PRKN: variants seen among roughly 807,000 people sequenced by gnomAD.
PRKN encodes the protein parkin RBR E3 ubiquitin protein ligase.
PRKN carries 56 observed loss-of-function variants against 59.5 expected under a neutral mutation model. The observed-to-expected ratio is 0.94, with a 90% CI of 0.76 to 1.18. The LOEUF is 1.18. PRKN is among the 50% of genes most tolerant of loss of function. The pLI, the probability that PRKN is intolerant of heterozygous loss-of-function variation, is 0.00. For synonymous variants in PRKN, 250 were observed against 222.1 expected, an observed-to-expected ratio of 1.13 and a Z score of -1.12; for missense variants, 657 against 596.4, an observed-to-expected ratio of 1.10 and a Z score of -1.06.
intron 6 of PRKN, among the ~76,000 whole-genome samples, chr6:161,912,328 G>A (rs1379988572): frequency 3.9e-5 from 6 of 152,016 alleles, no homozygotes; most frequent in Middle Eastern, 3.2e-3. Flanking sequence ...CTATGGCAAC[G>A]TAACAAAAGC....
intron 6 of PRKN, among the ~76,000 whole-genome samples, chr6:161,858,222 T>C (rs974792345): frequency 6.6e-6 from 1 of 152,224 alleles, no homozygotes; most frequent in African/African-American, 2.4e-5. Context: ...TAAGAATCCA[T>C]AAGGATAACC....
intron 4 of PRKN, among the ~76,000 whole-genome samples, chr6:162,070,924 G>A (rs1226722577): frequency 2.0e-5 from 3 of 152,042 alleles, no homozygotes; most frequent in Non-Finnish European, 2.9e-5. Context: ...GGCACAGTAG[G>A]TGCTTTCTAA....
intron 6 of PRKN, among the ~76,000 whole-genome samples, chr6:161,885,612 C>T (rs1455553790): frequency 1.3e-5 from 2 of 150,092 alleles, no homozygotes; most frequent in African/African-American, 4.9e-5. Flanking sequence ...TTGCAGTGGG[C>T]CAAGATTGCA....
At chr6:161,788,405 C>T (rs996299572) in intron 6 of PRKN, among the ~76,000 whole-genome samples, 2 of 152,120 alleles carry the variant, frequency 1.3e-5, no homozygotes, top group Non-Finnish European at 2.9e-5. Context: ...TATAAATAGT[C>T]CATCTTACCC....
chr6:161,728,579 A>G (rs531278980), intron 7 of PRKN, among the ~76,000 whole-genome samples: 1 of 152,348 alleles, frequency 6.6e-6, no homozygotes, highest in African/African-American at 2.4e-5. Context: ...ACACAATCAC[A>G]TAATAGATGC....
At chr6:162,041,530 T>G (rs1015916856) in intron 5 of PRKN, among the ~76,000 whole-genome samples, 1 of 152,186 alleles carries the variant, frequency 6.6e-6, no homozygotes, top group African/African-American at 2.4e-5. Flanking sequence ...CAGAGATTGG[T>G]TCTCACCATT....
At chr6:162,228,542 T>G (rs1370275748) in intron 3 of PRKN, among the ~76,000 whole-genome samples, 1 of 152,144 alleles carries the variant, frequency 6.6e-6, no homozygotes, top group African/African-American at 2.4e-5. Flanking sequence ...ACAAGAAATT[T>G]AGGGGAAAAA....
intron 2 of PRKN, among the ~76,000 whole-genome samples, chr6:162,410,837 A>T (rs1360635014): frequency 6.6e-6 from 1 of 152,184 alleles, no homozygotes; most frequent in Non-Finnish European, 1.5e-5. Flanking sequence ...TCCTCTGCCC[A>T]AATCAGCAGA....
intron 3 of PRKN, 79 bp downstream of exon 3, chr6:162,262,446 C>A (rs1224304108): frequency 1.9e-6 from 3 of 1,551,674 alleles, no homozygotes; most frequent in Admixed American, 1.7e-5. Flanking sequence ...AAATATGCAC[C>A]CGGTGAGGCC....
chr6:161,637,105 T>G (rs1459725545), intron 7 of PRKN, among the ~76,000 whole-genome samples: 2 of 152,074 alleles, frequency 1.3e-5, no homozygotes, highest in Non-Finnish European at 2.9e-5. Flanking sequence ...GTGGAAGAGG[T>G]AAGATGTTTT....
At chr6:161,844,855 T>G (rs979526306) in intron 6 of PRKN, among the ~76,000 whole-genome samples, 3 of 152,156 alleles carry the variant, frequency 2.0e-5, no homozygotes, top group Non-Finnish European at 4.4e-5. Context: ...AGCCGTGGAG[T>G]TGGCGTATGT....
rs1223129791 is a variant in PRKN at position 161,423,667 on chromosome 6, T to G, written c.1084-36790A>C. ...CTTTCTGGAAGCTTCCTCTGCACAC[T>G]CTAGCTACAGCAGGGCCTTACCATG... On this transcript the variant is annotated intron_variant, in intron 9 of 11. Transcript: ENST00000366898. The surrounding 1 kb of genome is among the most constrained non-coding windows in gnomAD (Gnocchi z 5.9). 6.6e-6 allele frequency among the ~76,000 whole-genome samples: 1 copy of G among 152,192 alleles called. No individual in the cohort carries two copies. Among genetic ancestry groups the G allele is most frequent in the Non-Finnish European group, 1.5e-5 (1 of 68,036 alleles).
At chr6:161,594,053 C>T (rs1180338265) in intron 7 of PRKN, among the ~76,000 whole-genome samples, 1 of 151,738 alleles carries the variant, frequency 6.6e-6, no homozygotes, top group Non-Finnish European at 1.5e-5. Flanking sequence ...ATCCCAGCTA[C>T]TTGAGGGGCT....
chr6:162,100,422 G>A (rs1044910596), intron 4 of PRKN, among the ~76,000 whole-genome samples: 4 of 150,930 alleles, frequency 2.7e-5, no homozygotes, highest in Admixed American at 6.6e-5. Flanking sequence ...CCTTGCCAGC[G>A]CTTATCACTT....
In PRKN at chr6:161,497,575, TCTCACACA is replaced by T. The variant is rs1247268692; in HGVS notation, c.1083+51271_1083+51278del. Among the ~76,000 whole-genome samples the T allele has an allele frequency of 2.3e-4, 32 of 139,618 alleles. No individual in the cohort carries two copies. Among genetic ancestry groups the T allele is most frequent in the African/African-American group, 8.8e-4 (30 of 34,274 alleles). The allele number at this position is 139,618 out of a possible 152,430, so 91.6% of individuals were successfully genotyped here. A position where few individuals can be genotyped will look rare whatever the true frequency, so the allele number is the denominator to read the frequency against. ...ACATGTCTCTCTCTCTCTCTCTCTCTCTCACACACACACACACACACACCATATCCCAC... is the reference window on the plus strand; with the variant it reads ...ACATGTCTCTCTCTCTCTCTCTCTCTCACACACACACACACCATATCCCAC... On this transcript the variant is annotated intron_variant, in intron 9 of 11. Transcript: ENST00000366898. This position sits in a 1 kb window ranked among gnomAD's most constrained non-coding sequence, Gnocchi z 4.6.
intron 1 of PRKN, among the ~76,000 whole-genome samples, chr6:162,552,698 T>C (rs9458584): frequency 0.63 from 95,624 of 151,742 alleles, 30,424 homozygotes; most frequent in South Asian, 0.8. Flanking sequence ...AGAGGAGAGC[T>C]GAGCTGGAGA....
At chr6:162,563,317 CAAAAAA>C (rs55881751) in intron 1 of PRKN, among the ~76,000 whole-genome samples, 1 of 145,716 alleles carries the variant, frequency 6.9e-6, no homozygotes, top group Admixed American at 6.8e-5. Context: ...AAACAAAAAA[CAAAAAA>C]AAAAAAACAA....
intron 5 of PRKN, among the ~76,000 whole-genome samples, chr6:162,027,364 A>G (rs1783473806): frequency 6.6e-6 from 1 of 152,188 alleles, no homozygotes; most frequent in Admixed American, 6.5e-5. Flanking sequence ...CACCATCCTC[A>G]TAAAGTAACC....
intron 1 of PRKN, among the ~76,000 whole-genome samples, chr6:162,657,758 T>G (rs568936788): frequency 4.8e-4 from 73 of 152,292 alleles, no homozygotes; most frequent in Admixed American, 1.3e-3. Context: ...ACCCCTGTCA[T>G]GACTCATGAC....
Sources: gnomAD v4.1 joint callset for allele counts (sites outside exome capture counted in the v4.1 genomes callset) on GRCh38, gnomAD v4.1.1 for gene constraint, Gnocchi (gnomAD v3.1) non-coding constraint, MANE v1.5 for transcripts, NCBI Gene and HGNC (gene_info 2026-07-23, HGNC 2026-07-21) for gene names.